The following AFG3L2 variants were observed in gnomAD, a reference collection of about 807,000 sequenced individuals.
AFG3L2 encodes AFG3 like matrix AAA peptidase subunit 2.
Under a neutral mutation model 94.5 loss-of-function variants are expected in AFG3L2, and 54 were observed. The ratio of observed to expected loss-of-function variants is 0.57; its 90% CI spans 0.46 to 0.72. The LOEUF (loss-of-function observed/expected upper bound fraction) is 0.72. Ranked by LOEUF, AFG3L2 falls within the 30% of genes least tolerant of loss-of-function variation. AFG3L2 has a pLI of 0.00. For missense variants in AFG3L2, 754 were observed against 994.9 expected (o/e 0.76, Z 3.26); for synonymous variants, 377 against 365.5 (o/e 1.03, Z -0.36).
At chr18:12,359,830 T>C in intron 7 of AFG3L2, 97 bp downstream of exon 7, 1 of 1,511,274 alleles carries the variant, frequency 6.6e-7, no homozygotes, top group Non-Finnish European at 9.1e-7. Context: ...AAAGGCCTGT[T>C]TGAGAATATA....
chr18:12,367,173 T>C (rs1908832534), intron 4 of AFG3L2, 56 bp from the exon 5 acceptor site: 3 of 1,613,224 alleles, frequency 1.9e-6, no homozygotes, highest in Non-Finnish European at 2.5e-6. Context: ...ATACGATCTA[T>C]GCTCTGTGAG....
chr18:12,339,848 C>CA (rs55881327), intron 15 of AFG3L2, among the ~76,000 whole-genome samples: 282 of 79,188 alleles, frequency 3.6e-3, no homozygotes, highest in African/African-American at 0.01. Context: ...GGCTCAGTCT[C>CA]AAAAAAAAAA....
chr18:12,364,823 C>G (rs1908759433), intron 5 of AFG3L2, among the ~76,000 whole-genome samples: 1 of 152,108 alleles, frequency 6.6e-6, no homozygotes, highest in African/African-American at 2.4e-5. Context: ...CAAGCCACCA[C>G]AGATGGCCAA....
intron 14 of AFG3L2, 34 bp from the exon 15 acceptor site, chr18:12,340,435 T>G (rs764067426): frequency 2.6e-6 from 4 of 1,511,332 alleles, no homozygotes; most frequent in Non-Finnish European, 2.8e-6. Context: ...AAGATCCTAC[T>G]ACAGATGAAG....
At chr18:12,360,980 C>A (rs953494638) in intron 6 of AFG3L2, among the ~76,000 whole-genome samples, 1 of 152,214 alleles carries the variant, frequency 6.6e-6, no homozygotes, top group South Asian at 2.1e-4. Context: ...CATGTATTAG[C>A]TCCATTTTAT....
At chr18:12,329,880 G>A (rs1907462313) in intron 16 of AFG3L2, 97 bp from the exon 17 acceptor site, 2 of 1,072,804 alleles carry the variant, frequency 1.9e-6, no homozygotes, top group Non-Finnish European at 1.4e-6. Context: ...TCCAAAAAAG[G>A]ATTTAAGACC....
chr18:12,363,975 A>C, intron 5 of AFG3L2, 119 bp from the exon 6 acceptor site: 1 of 816,016 alleles, frequency 1.2e-6, no homozygotes. Flanking sequence ...AAAGAATCAG[A>C]TAAAGATGCC....
At chr18:12,352,416 AG>A (rs1908346037) in intron 10 of AFG3L2, among the ~76,000 whole-genome samples, 1 of 152,222 alleles carries the variant, frequency 6.6e-6, no homozygotes, top group African/African-American at 2.4e-5. Flanking sequence ...ATCTTCCAGC[AG>A]GAAGAACACA....
intron 15 of AFG3L2, among the ~76,000 whole-genome samples, chr18:12,338,315 G>C (rs1319139780): frequency 6.6e-6 from 1 of 152,172 alleles, no homozygotes; most frequent in Non-Finnish European, 1.5e-5. Context: ...AGAACCCCCA[G>C]CTGCCAACAG....
intron 3 of AFG3L2, 113 bp downstream of exon 3, chr18:12,370,736 G>A (rs932836860): frequency 1.3e-6 from 1 of 759,002 alleles, no homozygotes; most frequent in Admixed American, 2.3e-5. Context: ...TGGGATTACA[G>A]GCGTGAGACA....
intron 16 of AFG3L2, among the ~76,000 whole-genome samples, chr18:12,335,543 T>C (rs772156249): frequency 2.6e-5 from 4 of 152,202 alleles, no homozygotes; most frequent in Non-Finnish European, 4.4e-5. Flanking sequence ...CTGTAACTGG[T>C]GTTTCTTTTT....
At chr18:12,330,990 G>A (rs971005358) in intron 16 of AFG3L2, among the ~76,000 whole-genome samples, 1 of 152,198 alleles carries the variant, frequency 6.6e-6, no homozygotes, top group Non-Finnish European at 1.5e-5. Flanking sequence ...CAAATGCCCA[G>A]CAGTAGCCAA....
At chr18:12,374,186 T>A (rs983203447) in intron 1 of AFG3L2, among the ~76,000 whole-genome samples, 4 of 152,204 alleles carry the variant, frequency 2.6e-5, no homozygotes, top group Admixed American at 6.5e-5. Context: ...TCAATGAAAC[T>A]TCTTCTCCTC....
At chr18:12,345,317 C>T (rs1908099967) in intron 13 of AFG3L2, among the ~76,000 whole-genome samples, 2 of 152,268 alleles carry the variant, frequency 1.3e-5, no homozygotes, top group Non-Finnish European at 2.9e-5. Context: ...GGCTCTGCCC[C>T]TCACTCCATA....
rs541331008 is a variant in AFG3L2, at chr18:12,330,107, G to C, written c.2176-324C>G. 1.9e-3 allele frequency among the ~76,000 whole-genome samples: 292 copies of C among 152,330 alleles called. 2 individuals are homozygous for C. The highest frequency in any genetic ancestry group is 2.8e-3 in the Non-Finnish European group (191 of 68,030). Reference sequence around the variant, plus strand: ...CCTAGCACTTTGGGAGGCCGAGGCGGGTGGATCACAAGGTCAAGACCATCC... The same window carrying C: ...CCTAGCACTTTGGGAGGCCGAGGCGCGTGGATCACAAGGTCAAGACCATCC... On this transcript the variant is annotated intron_variant, in intron 16 of 16. Transcript: ENST00000269143.
At chr18:12,330,700 C>T (rs1230828887) in intron 16 of AFG3L2, among the ~76,000 whole-genome samples, 1 of 151,996 alleles carries the variant, frequency 6.6e-6, no homozygotes, top group African/African-American at 2.4e-5. Flanking sequence ...ATGGCTTGAA[C>T]CCAGGAGGCA....
chr18:12,341,352 C>T (rs1907947303), intron 14 of AFG3L2: 1 of 152,144 alleles, frequency 6.6e-6, no homozygotes, highest in Non-Finnish European at 1.5e-5. Context: ...TTTTGACAAA[C>T]ATAACATCAA....
intron 1 of AFG3L2, among the ~76,000 whole-genome samples, chr18:12,376,127 T>TA (rs1407093698): frequency 4.6e-5 from 7 of 152,196 alleles, no homozygotes; most frequent in African/African-American, 1.7e-4. Context: ...GGCACTAGCC[T>TA]ATCTCCCCTT....
Position 12,374,548 on chromosome 18 carries a change from T to C in AFG3L2, c.114+2421A>G, listed in dbSNP as rs117215467. On this transcript the variant is annotated intron_variant, in intron 1 of 16. Coordinates refer to ENST00000269143, the MANE Select transcript of AFG3L2 (RefSeq NM_006796.3). ...TCTTCAGAGAGTACCAAAGAGTATG[T>C]ATCAGGACCGCGAACCCCCACACCC... Among the ~76,000 whole-genome samples the C allele has an allele frequency of 2.9e-3, 443 of 152,260 alleles. 3 individuals are homozygous for C. Among genetic ancestry groups the C allele is most frequent in the East Asian group, 6.4e-3 (33 of 5,182 alleles).
Sources: gnomAD v4.1 joint callset for allele counts (sites outside exome capture counted in the v4.1 genomes callset) on GRCh38, gnomAD v4.1.1 for gene constraint, MANE v1.5 for transcripts, NCBI Gene and HGNC (gene_info 2026-07-23, HGNC 2026-07-21) for gene names.